The following DCUN1D4 variants were observed in gnomAD, a reference collection of about 807,000 sequenced individuals.
The protein encoded by DCUN1D4 is defective in cullin neddylation 1 domain containing 4, also known as DCN1-like protein 4.
DCUN1D4 carries 22 observed loss-of-function variants against 47.9 expected under a neutral mutation model. The ratio of observed to expected loss-of-function variants is 0.46; its 90% confidence interval spans 0.33 to 0.66. DCUN1D4 has a LOEUF of 0.66. Among genes scored for constraint, DCUN1D4 ranks in the 30% least tolerant of loss-of-function variants. The probability of loss-of-function intolerance (pLI) is 0.02; values close to 1 mark genes in which losing one functional copy is unlikely to be tolerated. For synonymous variants in DCUN1D4, 121 were observed against 112.2 expected, an observed-to-expected ratio of 1.08 and a Z score of -0.50; for missense variants, 301 against 340.8, an observed-to-expected ratio of 0.88 and a Z score of 0.92.
intron 8 of DCUN1D4, among the ~76,000 whole-genome samples, chr4:51,899,690 C>T (rs191800219): frequency 2.2e-4 from 33 of 152,298 alleles, no homozygotes; most frequent in Non-Finnish European, 3.7e-4. Flanking sequence ...AGCTTTCCTT[C>T]TCACAGAACA....
chr4:51,860,572 G>C (rs1203796462), intron 1 of DCUN1D4: 1 of 455,268 alleles, frequency 2.2e-6, no homozygotes, highest in Non-Finnish European at 4.4e-6. Flanking sequence ...GCTGGCATCT[G>C]CTTGGCTTCT....
rs1218372269 is a variant in DCUN1D4, at chr4:51,916,531, G to T, written c.*2947G>T. ...TCATATGTTGTATAATAAATGTATAGATTTCATTGACCAACTAAAATGTTG... is the reference window on the plus strand; with the variant it reads ...TCATATGTTGTATAATAAATGTATATATTTCATTGACCAACTAAAATGTTG... On this transcript the variant is annotated 3_prime_UTR_variant, in exon 11 of 11. Transcript: ENST00000334635. The T allele has an allele frequency of 6.6e-6, 1 of 152,540 alleles. No individual in the cohort carries two copies. Among genetic ancestry groups the T allele is most frequent in the Non-Finnish European group, 1.5e-5 (1 of 68,018 alleles). The allele number at this position is 152,540 out of a possible 1,614,324, so 9.4% of individuals were successfully genotyped here.
At chr4:51,870,446 A>G (rs951881527) in intron 3 of DCUN1D4, among the ~76,000 whole-genome samples, 1 of 152,200 alleles carries the variant, frequency 6.6e-6, no homozygotes, top group Non-Finnish European at 1.5e-5. Flanking sequence ...AATGGGGAAA[A>G]AATCTGAAAT....
At chr4:51,904,924 T>C (rs1421717110) in intron 8 of DCUN1D4, among the ~76,000 whole-genome samples, 2 of 152,148 alleles carry the variant, frequency 1.3e-5, no homozygotes, top group South Asian at 2.1e-4. Context: ...AATTTTAATA[T>C]CCCAAATATT....
upstream of DCUN1D4, among the ~76,000 whole-genome samples, chr4:51,839,106 GGAA>G (rs1335181817): frequency 6.7e-6 from 1 of 149,598 alleles, no homozygotes; most frequent in African/African-American, 2.5e-5. Flanking sequence ...AGAAAAGGAA[GGAA>G]GAAGGGAAGG....
At chr4:51,870,522 G>A (rs1490924678) in intron 3 of DCUN1D4, among the ~76,000 whole-genome samples, 4 of 150,544 alleles carry the variant, frequency 2.7e-5, no homozygotes, top group South Asian at 4.2e-4. Context: ...TTTTTTAGAA[G>A]AATCTGATTT....
chr4:51,844,550 C>T (rs1233402426), intron 1 of DCUN1D4, among the ~76,000 whole-genome samples: 2 of 151,746 alleles, frequency 1.3e-5, no homozygotes, highest in African/African-American at 4.8e-5. Flanking sequence ...CCTGGCAGTC[C>T]GTGGGTTTGA....
At chr4:51,846,152 C>G (rs1307595385) in intron 1 of DCUN1D4, among the ~76,000 whole-genome samples, 1 of 152,186 alleles carries the variant, frequency 6.6e-6, no homozygotes, top group Non-Finnish European at 1.5e-5. Context: ...TAGCCCACCT[C>G]CCTCCATTCC....
the DCUN1D4 span, among the ~76,000 whole-genome samples, chr4:51,836,515 C>T: frequency 6.6e-6 from 1 of 152,124 alleles, no homozygotes; most frequent in Non-Finnish European, 1.5e-5. Flanking sequence ...GGATTCATTG[C>T]TTTCCTCCCA....
chr4:51,870,018 G>A (rs541608017), intron 3 of DCUN1D4, among the ~76,000 whole-genome samples: 1 of 152,174 alleles, frequency 6.6e-6, no homozygotes, highest in Non-Finnish European at 1.5e-5. Context: ...TTAAGAAAGA[G>A]CTTCTAATGA....
upstream of DCUN1D4, among the ~76,000 whole-genome samples, chr4:51,838,664 T>C (rs1046513063): frequency 1.3e-5 from 2 of 152,202 alleles, no homozygotes; most frequent in African/African-American, 2.4e-5. Context: ...GTTTCAGGCA[T>C]GAGCCACCAT....
At chr4:51,899,804 G>A (rs1731827245) in intron 8 of DCUN1D4, among the ~76,000 whole-genome samples, 1 of 152,164 alleles carries the variant, frequency 6.6e-6, no homozygotes, top group Non-Finnish European at 1.5e-5. Flanking sequence ...AATTTTAGAC[G>A]TAAGCTAATT....
upstream of DCUN1D4, among the ~76,000 whole-genome samples, chr4:51,838,289 C>T (rs939482357): frequency 6.6e-6 from 1 of 152,148 alleles, no homozygotes; most frequent in African/African-American, 2.4e-5. Flanking sequence ...TGGATGTAAT[C>T]CTTCTGACCC....
intron 6 of DCUN1D4, chr4:51,886,971 C>A: frequency 2.4e-6 from 1 of 423,426 alleles, no homozygotes; most frequent in Non-Finnish European, 4.6e-6. Flanking sequence ...CTTCGTGCCC[C>A]TCAGTAGTTG....
At chr4:51,872,809 A>T (rs1455177044) in intron 3 of DCUN1D4, among the ~76,000 whole-genome samples, 2 of 152,198 alleles carry the variant, frequency 1.3e-5, no homozygotes, top group Non-Finnish European at 2.9e-5. Flanking sequence ...TGTTTGTTAA[A>T]ATATGATACA....
chr4:51,876,173 T>C (rs1048783216), intron 4 of DCUN1D4, among the ~76,000 whole-genome samples: 5 of 152,040 alleles, frequency 3.3e-5, no homozygotes, highest in Non-Finnish European at 5.9e-5. Context: ...ATACCAAATG[T>C]CCAACAATGA....
intron 7 of DCUN1D4, among the ~76,000 whole-genome samples, chr4:51,896,056 C>T (rs1319247039): frequency 1.3e-5 from 2 of 152,116 alleles, no homozygotes; most frequent in East Asian, 3.8e-4. Context: ...GGGGCCAGTC[C>T]AGGGGCTTTG....
intron 3 of DCUN1D4, among the ~76,000 whole-genome samples, chr4:51,868,947 G>C (rs552596518): frequency 2.0e-5 from 3 of 151,782 alleles, no homozygotes; most frequent in African/African-American, 7.3e-5. Flanking sequence ...GTGAAACCCC[G>C]TCTCTACTAA....
At chr4:51,881,673 AAAAAC>A (rs1370016958) in intron 5 of DCUN1D4, among the ~76,000 whole-genome samples, 4 of 151,454 alleles carry the variant, frequency 2.6e-5, no homozygotes, top group Non-Finnish European at 5.9e-5. Context: ...AAAAAAAAAA[AAAAAC>A]AAGAAAAAAA....
Sources: allele counts gnomAD v4.1 joint callset (sites outside exome capture counted in the v4.1 genomes callset), GRCh38; gene constraint gnomAD v4.1.1; transcripts MANE v1.5; gene names NCBI Gene and HGNC (gene_info 2026-07-23, HGNC 2026-07-21).